The following ZC3H4 variants were observed in gnomAD, a reference collection of about 807,000 sequenced individuals.
The protein encoded by ZC3H4 is zinc finger CCCH-type containing 4, also known as zinc finger CCCH domain-containing protein 4.
ZC3H4 carries 13 observed loss-of-function variants against 108.3 expected under a neutral mutation model. The ratio of observed to expected loss-of-function variants is 0.12; its 90% CI spans 0.08 to 0.19. The LOEUF (loss-of-function observed/expected upper bound fraction) is 0.19, where lower values mean the gene tolerates loss of function less well. Ranked by LOEUF, ZC3H4 falls within the 10% of genes least tolerant of loss-of-function variation. The pLI is 1.00. For synonymous variants in ZC3H4, 917 were observed against 749.6 expected (o/e 1.22, Z -3.65); for missense variants, 1,734 against 1,838.8 (o/e 0.94, Z 1.04).
At chr19:47,090,215 G>A (rs1012701265) in intron 4 of ZC3H4, 26 bp from the exon 5 acceptor site, 2 of 1,613,518 alleles carry the variant, frequency 1.2e-6, no homozygotes, top group Non-Finnish European at 1.7e-6. Context: ...GGGGAAAAGA[G>A]GTGAGCCGGA....
intron 9 of ZC3H4, among the ~76,000 whole-genome samples, chr19:47,083,617 G>A (rs539641165): frequency 1.3e-5 from 2 of 151,130 alleles, no homozygotes; most frequent in East Asian, 2.0e-4. Flanking sequence ...GCTGAGGCAG[G>A]AGAATCGCTT....
Position 47,072,000 on chromosome 19 carries a change from G to C in ZC3H4, c.1924C>G (p.Pro642Ala), listed in dbSNP as rs151040766. Residue 642 changes from proline (P) to alanine (A), a missense_variant, in exon 13 of 15, where the codon CCT (proline) becomes GCT (alanine). Pro to Ala is a conservative substitution (Grantham distance 27). This residue lies in a region of ZC3H4 where 540 missense variants were observed against 484.1 expected (regional missense o/e 1.12). Transcript: ENST00000253048. ...GCGTGCATGTCTGCGTGCATGTCAGGGTGCATGTCCGGGTGCATGTCGGGG... is the reference window on the plus strand; with the variant it reads ...GCGTGCATGTCTGCGTGCATGTCAGCGTGCATGTCCGGGTGCATGTCGGGG... ...MHPDMHPDMH[P>A]DMHADMHADM... 1.9e-4 allele frequency: 301 copies of C among 1,597,140 alleles called. 3 individuals are homozygous for C. In the African/African-American group the frequency reaches 3.2e-3, roughly 17 times the overall value.
chr19:47,066,203 T>TA lies in ZC3H4; in HGVS notation c.*152dup, dbSNP rs966090776. 4.2e-4 allele frequency: 247 copies of TA among 582,632 alleles called. No homozygotes were observed. The highest frequency in any genetic ancestry group is 5.2e-4 in the Non-Finnish European group (187 of 361,582). 36.1% of individuals were successfully genotyped at this position (582,632 alleles called of 1,614,324 possible). A position where few individuals can be genotyped will look rare whatever the true frequency, so the allele number is the denominator to read the frequency against. ...ACAAATCTCAAAGAAAGTACTACTT[T>TA]AAAAAAAAATAAAAGAGACGGAAAG... On this transcript the variant is annotated 3_prime_UTR_variant, in exon 15 of 15. Transcript: ENST00000253048.
intron 9 of ZC3H4, among the ~76,000 whole-genome samples, chr19:47,082,698 G>C (rs566665793): frequency 1.3e-4 from 20 of 152,244 alleles, no homozygotes; most frequent in Non-Finnish European, 2.2e-4. Context: ...AGCAACCACC[G>C]TGTAACCATG....
At chr19:47,108,987 A>C (rs2058001864) in intron 2 of ZC3H4, among the ~76,000 whole-genome samples, 2 of 152,164 alleles carry the variant, frequency 1.3e-5, no homozygotes, top group Admixed American at 6.5e-5. Flanking sequence ...GGAGACTTTG[A>C]TTTGCTTTCA....
chr19:47,109,780 G>C (rs529990313), intron 2 of ZC3H4, among the ~76,000 whole-genome samples: 1 of 152,172 alleles, frequency 6.6e-6, no homozygotes, highest in African/African-American at 2.4e-5. Context: ...CTTTTGGAGA[G>C]GGCCAGGGTT....
intron 9 of ZC3H4, 38 bp downstream of exon 9, chr19:47,084,307 T>A: frequency 6.3e-7 from 1 of 1,595,580 alleles, no homozygotes; most frequent in Non-Finnish European, 8.6e-7. Context: ...CTGGGGGCTA[T>A]GGCCTCCTAG....
At chr19:47,111,442 G>A (rs547843681) in intron 2 of ZC3H4, among the ~76,000 whole-genome samples, 11 of 152,136 alleles carry the variant, frequency 7.2e-5, no homozygotes, top group Non-Finnish European at 1.6e-4. Flanking sequence ...TTTCTCTCCC[G>A]GAAGAGACGG....
intron 4 of ZC3H4, among the ~76,000 whole-genome samples, chr19:47,092,860 CAA>C (rs1203277685): frequency 4.1e-5 from 6 of 147,390 alleles, no homozygotes; most frequent in African/African-American, 1.2e-4. Flanking sequence ...ACAAACAAGA[CAA>C]AACATTTCTC....
At chr19:47,106,377 C>A (rs990901684) in intron 2 of ZC3H4, among the ~76,000 whole-genome samples, 1 of 152,132 alleles carries the variant, frequency 6.6e-6, no homozygotes. Context: ...GCCAAGAGTT[C>A]GAGGCTGCAG....
intron 4 of ZC3H4, among the ~76,000 whole-genome samples, chr19:47,093,120 G>A (rs2057764407): frequency 1.3e-5 from 2 of 148,196 alleles, no homozygotes; most frequent in Admixed American, 1.4e-4. Flanking sequence ...GGATGCTGAA[G>A]CAGAAGAATG....
intron 2 of ZC3H4, among the ~76,000 whole-genome samples, chr19:47,104,694 C>T (rs1169755290): frequency 1.3e-5 from 2 of 152,238 alleles, no homozygotes; most frequent in Admixed American, 6.5e-5. Context: ...GGCCCTGCCT[C>T]GGATGCAGCC....
chr19:47,083,405 C>G (rs982193918), intron 9 of ZC3H4, among the ~76,000 whole-genome samples: 3 of 151,760 alleles, frequency 2.0e-5, no homozygotes, highest in Non-Finnish European at 2.9e-5. Flanking sequence ...TCAAGTTTCT[C>G]AACAGAATAG....
At position 47,071,841 on chromosome 19, in the gene ZC3H4, A is replaced by T; in HGVS notation, c.2083T>A (p.Tyr695Asn). Reference sequence around the variant, plus strand: ...TCCTGCTGCTGGTAGAAGTTTTCATAGAAGTTCTGGGCTGGCGGGATAGGG... The same window carrying T: ...TCCTGCTGCTGGTAGAAGTTTTCATTGAAGTTCTGGGCTGGCGGGATAGGG... ...MPPIPPAQNF[Y>N]ENFYQQQEGM... The change falls in exon 13 of 15, where the codon TAT (tyrosine) becomes AAT (asparagine). Residue 695 changes from tyrosine to asparagine, a missense_variant. Coordinates refer to ENST00000253048, the MANE Select transcript of ZC3H4 (RefSeq NM_015168.2). 1 of 1,613,740 alleles carries T rather than the reference A, an allele frequency of 6.2e-7. No individual in the cohort carries two copies. Among genetic ancestry groups the T allele is most frequent in the Non-Finnish European group, 8.5e-7 (1 of 1,179,930 alleles).
Position 47,072,842 on chromosome 19 carries a change from A to C in ZC3H4, c.1441-129T>G. On this transcript the variant is annotated intron_variant, in intron 11 of 14. Coordinates refer to ENST00000253048, the MANE Select transcript of ZC3H4 (RefSeq NM_015168.2). The surrounding 1 kb of genome is among the most constrained non-coding windows in gnomAD (Gnocchi z 5.6). ...AGGACCTTGAGATCTAAAGGCATAA[A>C]GACCACAATGGCTCTGTAACAAAAA... 1 of 1,045,292 alleles carries C rather than the reference A, an allele frequency of 9.6e-7. No individual in the cohort carries two copies. Among genetic ancestry groups the C allele is most frequent in the Non-Finnish European group, 1.4e-6 (1 of 730,694 alleles). The allele number at this position is 1,045,292 out of a possible 1,614,324, so 64.8% of individuals were successfully genotyped here.
rs1208828194 is a variant in ZC3H4, at chr19:47,065,323, TCA to T, written c.*1031_*1032del. 2.0e-5 allele frequency: 3 copies of T among 152,796 alleles called. No homozygotes were observed. The highest frequency in any genetic ancestry group is 7.2e-5 in the African/African-American group (3 of 41,560). 9.5% of individuals were successfully genotyped at this position (152,796 alleles called of 1,614,324 possible). A position where few individuals can be genotyped will look rare whatever the true frequency, so the allele number is the denominator to read the frequency against. ...ACATCAATACCTCATGCCCTGCAGG[TCA>T]CACAGTGTAAGGAGGTGCGAGGAAA... On this transcript the variant is annotated 3_prime_UTR_variant, in exon 15 of 15. Transcript: ENST00000253048.
At chr19:47,111,328 T>C (rs1042316474) in intron 2 of ZC3H4, among the ~76,000 whole-genome samples, 1 of 152,176 alleles carries the variant, frequency 6.6e-6, no homozygotes, top group African/African-American at 2.4e-5. Context: ...GACCCCATTA[T>C]CACCCGCCAG....
chr19:47,107,074 G>A (rs1472735454), intron 2 of ZC3H4, among the ~76,000 whole-genome samples: 1 of 152,158 alleles, frequency 6.6e-6, no homozygotes, highest in African/African-American at 2.4e-5. Context: ...GCTCCAGACA[G>A]TATGACCATT....
chr19:47,078,087 A>C (rs1175424992), intron 11 of ZC3H4, among the ~76,000 whole-genome samples: 2 of 152,190 alleles, frequency 1.3e-5, no homozygotes, highest in African/African-American at 4.8e-5. Flanking sequence ...GATCAAATAT[A>C]ATCCCAATGC....
Sources: allele counts gnomAD v4.1 joint callset (sites outside exome capture counted in the v4.1 genomes callset), GRCh38; gene constraint gnomAD v4.1.1; regional missense constraint gnomAD v4.1.1; non-coding constraint Gnocchi (gnomAD v3.1); transcripts MANE v1.5; gene names NCBI Gene and HGNC (gene_info 2026-07-23, HGNC 2026-07-21).